The following INF2 variants were observed in gnomAD, a reference collection of about 807,000 sequenced individuals.
INF2 encodes the protein inverted formin 2, also known as inverted formin-2.
Under a neutral mutation model 123.5 loss-of-function variants are expected in INF2, and 43 were observed. The ratio of observed to expected loss-of-function variants is 0.35; its 90% CI spans 0.27 to 0.45. INF2 has a LOEUF of 0.45. Among genes scored for constraint, INF2 ranks in the 20% least tolerant of loss-of-function variants. The probability of loss-of-function intolerance (pLI) is 1.00; values close to 1 mark genes in which losing one functional copy is unlikely to be tolerated. For missense variants in INF2, 1,453 were observed against 1,682.7 expected (o/e 0.86, Z 2.39); for synonymous variants, 851 against 745.0 (o/e 1.14, Z -2.32).
At chr14:104,717,240 G>A (rs547158590) in intron 22 of INF2, among the ~76,000 whole-genome samples, 2 of 145,640 alleles carry the variant, frequency 1.4e-5, no homozygotes, top group South Asian at 2.1e-4. Flanking sequence ...GGCAGGGTGC[G>A]CTGCCGTCCT....
rs1279682394 is a variant in INF2, at chr14:104,703,325, A to G, written c.538A>G (p.Ile180Val). ...TVCSQQYRFS[I>V]VMNELSGSDN... Reference sequence around the variant, plus strand: ...GTGCAGCCAGCAGTACCGCTTCAGCATTGTCATGAACGAGCTCTCCGGCAG... The same window carrying G: ...GTGCAGCCAGCAGTACCGCTTCAGCGTTGTCATGAACGAGCTCTCCGGCAG... Residue 180 changes from isoleucine (I) to valine (V), a missense_variant, in exon 4 of 23, where the codon ATT becomes GTT. By Grantham distance (29) the Ile-to-Val change is conservative. Transcript: ENST00000392634. 1.2e-6 allele frequency: 2 copies of G among 1,612,988 alleles called. No individual in the cohort carries two copies. The highest frequency in any genetic ancestry group is 3.3e-5 in the Admixed American group (2 of 60,026).
At position 104,703,216 on chromosome 14, in the gene INF2, A is replaced by G. The variant is rs1456308453; in HGVS notation, c.503A>G (p.Tyr168Cys). The change falls in exon 3 of 23, where the codon TAC (tyrosine) becomes TGC (cysteine). Residue 168 changes from tyrosine (Y) to cysteine (C), a missense_variant. This residue lies in a region of INF2 where 251 missense variants were observed against 349.4 expected (regional missense o/e 0.72). Transcript: ENST00000392634. ...CTGACCCTGGACGCCCTGGACCACT[A>G]CAAGGTGGGCGGCAGGGCCTGGGCC... is the stretch of plus-strand genomic sequence containing the variant. Reference protein sequence around the residue: ...HVLTLDALDHYKTVCSQQYRF... With the variant: ...HVLTLDALDHCKTVCSQQYRF... 2 of 1,613,264 alleles carry G rather than the reference A, an allele frequency of 1.2e-6. No homozygotes were observed. The highest frequency in any genetic ancestry group is 2.2e-5 in the East Asian group (1 of 44,872).
chr14:104,705,935 G>C, intron 5 of INF2, 100 bp from the exon 6 acceptor site: 5 of 1,448,386 alleles, frequency 3.5e-6, no homozygotes, highest in South Asian at 1.3e-5. Context: ...GTCCCAGGTG[G>C]GCTGAGCGGG....
chr14:104,703,944 C>T lies in INF2; in HGVS notation c.696C>T (p.Arg232=). Reference sequence around the variant, plus strand: ...TGCAGCTGCTGGACGTCCTGGCTCGCCTGCGGTGAGTCCCCACTGTAGCGG... The same window carrying T: ...TGCAGCTGCTGGACGTCCTGGCTCGTCTGCGGTGAGTCCCCACTGTAGCGG... ...IGLQLLDVLA[R]LRDLEDADLL... Residue 232 remains arginine, a synonymous_variant, in exon 5 of 23, where the codon CGC becomes CGT. Coordinates refer to ENST00000392634, the MANE Select transcript of INF2 (RefSeq NM_022489.4). The T allele has an allele frequency of 6.2e-7, 1 of 1,610,418 alleles. No homozygotes were observed. Among genetic ancestry groups the T allele is most frequent in the Non-Finnish European group, 8.5e-7 (1 of 1,179,984 alleles).
At position 104,713,203 on chromosome 14, in the gene INF2, G is replaced by A; in HGVS notation, c.2776-4G>A. 1 of 1,558,766 alleles carries A rather than the reference G, an allele frequency of 6.4e-7. No homozygotes were observed. ...GGGTGACGGGGCCACATCTGCCAGTGCAGGAGAACAAGGACCGGAAGGAGC... is the reference window on the plus strand; with the variant it reads ...GGGTGACGGGGCCACATCTGCCAGTACAGGAGAACAAGGACCGGAAGGAGC... On this transcript the variant is annotated splice_region_variant and splice_polypyrimidine_tract_variant and intron_variant, in intron 18 of 22. Transcript: ENST00000392634.
At chr14:104,698,792 C>CGGCCTCAGCCTCCGG (rs1188673896) in intron 1 of INF2, among the ~76,000 whole-genome samples, 1 of 152,150 alleles carries the variant, frequency 6.6e-6, no homozygotes, top group Non-Finnish European at 1.5e-5. Flanking sequence ...AGAGCAGCTC[C>CGGCCTCAGCCTCCGG]GGCCTCAGCC....
chr14:104,695,821 C>T (rs148427639), intron 1 of INF2, among the ~76,000 whole-genome samples: 7 of 152,102 alleles, frequency 4.6e-5, no homozygotes, highest in South Asian at 2.1e-4. Flanking sequence ...CTGGCCAGCC[C>T]GGACCCCCCA....
intron 5 of INF2, among the ~76,000 whole-genome samples, chr14:104,705,102 G>A (rs1285838465): frequency 6.6e-6 from 1 of 152,216 alleles, no homozygotes; most frequent in Non-Finnish European, 1.5e-5. Context: ...AGGAGCCCAG[G>A]GCTAGAATGC....
In INF2 at chr14:104,708,015, A is replaced by G; in HGVS notation, c.1735+13A>G. ...AACGTGGCACGTGGTGAGGGTCCCC[A>G]GACCCCCAAGGGAAGCTTCCCCTAG... On this transcript the variant is annotated intron_variant, in intron 8 of 22. Transcript: ENST00000392634. The G allele has an allele frequency of 6.3e-7, 1 of 1,598,120 alleles. No individual in the cohort carries two copies. Among genetic ancestry groups the G allele is most frequent in the Non-Finnish European group, 8.5e-7 (1 of 1,179,696 alleles).
upstream of INF2, among the ~76,000 whole-genome samples, chr14:104,685,166 A>G (rs901733036): frequency 1.3e-5 from 2 of 152,218 alleles, no homozygotes; most frequent in Admixed American, 1.3e-4. Flanking sequence ...ATTCAAATGA[A>G]GAGGACAGAG....
chr14:104,711,585 A>G lies in INF2; in HGVS notation c.2419-44A>G, dbSNP rs766664975. On this transcript the variant is annotated intron_variant, in intron 15 of 22. Transcript: ENST00000392634. ...TGGGAACAGGGTCATCCCCAGGTGG[A>G]GAGTATGACCACAGTGGATCTCACT... 6 of 1,549,462 alleles carry G rather than the reference A, an allele frequency of 3.9e-6. No individual in the cohort carries two copies. In the Admixed American group the frequency reaches 8.3e-5, roughly 22 times the overall value.
At position 104,707,795 on chromosome 14, in the gene INF2, A is replaced by T; in HGVS notation, c.1528A>T (p.Met510Leu). Residue 510 changes from methionine (M) to leucine (L), a missense_variant, in exon 8 of 23, where the codon ATG becomes TTG. Around this residue, in one of 8 missense-constraint regions of INF2, gnomAD observed 374 missense variants for 303.7 expected, o/e 1.23. Coordinates refer to ENST00000392634, the MANE Select transcript of INF2 (RefSeq NM_022489.4). Reference sequence around the variant, plus strand: ...CCCACCCCCACCCCTGCTGCCTGGTATGGGCTGGGGCCCTCCTCCACCCCC... The same window carrying T: ...CCCACCCCCACCCCTGCTGCCTGGTTTGGGCTGGGGCCCTCCTCCACCCCC... ...PPPPPPLLPG[M>L]GWGPPPPPPP... 2.5e-6 allele frequency: 2 copies of T among 795,386 alleles called. No homozygotes were observed. The highest frequency in any genetic ancestry group is 3.8e-6 in the Non-Finnish European group (2 of 526,084). The allele number at this position is 795,386 out of a possible 1,614,324, so 49.3% of individuals were successfully genotyped here. A position where few individuals can be genotyped will look rare whatever the true frequency, so the allele number is the denominator to read the frequency against.
At chr14:104,713,336 G>C (rs1001560284) in intron 19 of INF2, 27 bp downstream of exon 19, 1 of 1,551,928 alleles carries the variant, frequency 6.4e-7, no homozygotes, top group Admixed American at 2.0e-5. Context: ...TGGGCGGGGA[G>C]GGGGTGACTC....
At chr14:104,711,515 G>T in intron 15 of INF2, 114 bp from the exon 16 acceptor site, 1 of 913,734 alleles carries the variant, frequency 1.1e-6, no homozygotes, top group East Asian at 2.5e-5. Context: ...CTGGAGTACT[G>T]GGGGTTTTCT....
intron 2 of INF2, among the ~76,000 whole-genome samples, chr14:104,702,338 C>T (rs545105641): frequency 4.6e-5 from 7 of 152,192 alleles, no homozygotes; most frequent in Non-Finnish European, 7.3e-5. Flanking sequence ...TGCCTCTGCT[C>T]GTGTTTTCTG....
Position 104,709,982 on chromosome 14 carries a change from C to T in INF2, c.2139-106C>T. The T allele has an allele frequency of 4.9e-6, 5 of 1,018,326 alleles. No homozygotes were observed. In the South Asian group the frequency reaches 5.4e-5, roughly 11 times the overall value. 63.1% of individuals were successfully genotyped at this position (1,018,326 alleles called of 1,614,324 possible). A position where few individuals can be genotyped will look rare whatever the true frequency, so the allele number is the denominator to read the frequency against. On this transcript the variant is annotated intron_variant, in intron 12 of 22. Transcript: ENST00000392634. ...GTTGGATGGGGCAGGCGGTGGAAAC[C>T]CCCTCCCTTTGCCCACCACCCAAGC... is the stretch of plus-strand genomic sequence containing the variant.
chr14:104,711,268 C>CCAT, intron 15 of INF2, 82 bp downstream of exon 15: 1 of 1,184,826 alleles, frequency 8.4e-7, no homozygotes, highest in East Asian at 2.6e-5. Context: ...GGCCATACCC[C>CCAT]CATGCCCACC....
intron 22 of INF2, chr14:104,715,882 A>C (rs375004017): frequency 2.2e-6 from 1 of 457,008 alleles, no homozygotes; most frequent in Admixed American, 2.3e-5. Flanking sequence ...GCTGCCAGGG[A>C]CAAGTACACT....
In INF2 at chr14:104,703,372, C is replaced by T. The variant is rs759408802; in HGVS notation, c.585C>T (p.Val195=). 3.1e-6 allele frequency: 5 copies of T among 1,612,930 alleles called. No homozygotes were observed. Among genetic ancestry groups the T allele is most frequent in the Non-Finnish European group, 2.5e-6 (3 of 1,179,954 alleles). ...GCAGCGACAACGTGCCCTACGTGGTCACCCTGCTTAGCGTGATCAACGCCG... is the reference window on the plus strand; with the variant it reads ...GCAGCGACAACGTGCCCTACGTGGTTACCCTGCTTAGCGTGATCAACGCCG... ...LSGSDNVPYV[V]TLLSVINAVI... Residue 195 remains valine (V), a synonymous_variant, in exon 4 of 23, where the codon GTC becomes GTT. Coordinates refer to ENST00000392634, the MANE Select transcript of INF2 (RefSeq NM_022489.4).
Sources: allele counts gnomAD v4.1 joint callset (sites outside exome capture counted in the v4.1 genomes callset), GRCh38; gene constraint gnomAD v4.1.1; regional missense constraint gnomAD v4.1.1; transcripts MANE v1.5; gene names NCBI Gene and HGNC (gene_info 2026-07-23, HGNC 2026-07-21).